The following ACOXL variants were observed in gnomAD, a reference collection of about 807,000 sequenced individuals.
The protein encoded by ACOXL is acyl-coenzyme A oxidase-like protein.
A neutral mutation model predicts 71.9 loss-of-function variants in ACOXL; 70 were observed. The observed-to-expected ratio is 0.97, with a 90% CI of 0.80 to 1.19. The LOEUF (loss-of-function observed/expected upper bound fraction) is 1.19. ACOXL is among the 50% of genes most tolerant of loss of function. The pLI, the probability that ACOXL is intolerant of heterozygous loss-of-function variation, is 0.00. For missense variants in ACOXL, 703 were observed against 736.3 expected (o/e 0.95, Z 0.52); for synonymous variants, 253 against 281.6 (o/e 0.90, Z 1.02).
Position 111,118,427 on chromosome 2 carries a change from A to G in ACOXL, c.*611A>G, listed in dbSNP as rs556812338. ...AAACAAGAACTCGGCTTGTCCTCCC[A>G]GGCCGGCGGTTTCCGTACGGCAAGA... On this transcript the variant is annotated 3_prime_UTR_variant, in exon 18 of 18. Transcript: ENST00000439055. 1.5e-4 allele frequency among the ~76,000 whole-genome samples: 23 copies of G among 152,346 alleles called. No individual in the cohort carries two copies. Among genetic ancestry groups the G allele is most frequent in the Admixed American group, 1.4e-3 (22 of 15,310 alleles).
chr2:110,806,595 G>C (rs2105372491), intron 9 of ACOXL, among the ~76,000 whole-genome samples: 1 of 152,358 alleles, frequency 6.6e-6, no homozygotes, highest in East Asian at 1.9e-4. Context: ...TGCATGAAAG[G>C]GAAGATTGGT....
chr2:110,761,180 ATTAG>A (rs1383929204), intron 1 of ACOXL, among the ~76,000 whole-genome samples: 2 of 152,212 alleles, frequency 1.3e-5, no homozygotes, highest in East Asian at 3.8e-4. Flanking sequence ...TTTTGGATTT[ATTAG>A]TTACTACTTT....
rs1238279284 is a variant in ACOXL at position 110,969,821 on chromosome 2, A to G, written c.1060-17287A>G. On this transcript the variant is annotated intron_variant, in intron 12 of 17. Coordinates refer to ENST00000439055, the MANE Select transcript of ACOXL (RefSeq NM_001142807.4). ...GTGAGACTTTGTCTCAAAAAAAAAG[A>G]AAAAAAAAAGAATGCTAGAAAATAG... Among the ~76,000 whole-genome samples, 15 of 146,870 alleles carry G rather than the reference A, an allele frequency of 1.0e-4. No individual in the cohort carries two copies. The East Asian group carries it at 2.2e-3, about 21-fold the overall frequency.
At chr2:110,951,453 C>T (rs941378076) in intron 12 of ACOXL, among the ~76,000 whole-genome samples, 1 of 152,168 alleles carries the variant, frequency 6.6e-6, no homozygotes, top group Non-Finnish European at 1.5e-5. Flanking sequence ...CTATATTATA[C>T]AAGTGGCAAG....
chr2:110,836,954 C>A (rs181053573), intron 9 of ACOXL, among the ~76,000 whole-genome samples: 9 of 152,206 alleles, frequency 5.9e-5, no homozygotes, highest in African/African-American at 2.2e-4. Context: ...TGGCTTGAAT[C>A]GTATTTGAAA....
rs191503574 is a variant in ACOXL at position 110,994,331 on chromosome 2, C to T, written c.1170-1562C>T. On this transcript the variant is annotated intron_variant, in intron 13 of 17. Coordinates refer to ENST00000439055, the MANE Select transcript of ACOXL (RefSeq NM_001142807.4). ...ATTGGCATGTAAATACTTTCCTCTT[C>T]CCTGTCTAAATGGAGGGTGATTATT... 8.9e-4 allele frequency among the ~76,000 whole-genome samples: 136 copies of T among 152,290 alleles called. 1 individual carries two copies. The highest frequency in any genetic ancestry group is 3.1e-3 in the African/African-American group (128 of 41,566).
intron 9 of ACOXL, among the ~76,000 whole-genome samples, chr2:110,822,296 C>CTG (rs1688707084): frequency 6.6e-6 from 1 of 152,170 alleles, no homozygotes; most frequent in Non-Finnish European, 1.5e-5. Context: ...CGTCTCAACT[C>CTG]TGATCCCTTT....
chr2:111,065,495 A>C (rs1196179919), intron 16 of ACOXL, among the ~76,000 whole-genome samples: 3 of 152,214 alleles, frequency 2.0e-5, no homozygotes, highest in African/African-American at 7.2e-5. Flanking sequence ...AGCGTGATTC[A>C]TAAAAGGAAA....
At chr2:110,897,968 C>T (rs2059081173) in intron 10 of ACOXL, among the ~76,000 whole-genome samples, 1 of 143,698 alleles carries the variant, frequency 7.0e-6, no homozygotes, top group South Asian at 2.4e-4. Context: ...AGGAACAACT[C>T]TGTAAACATA....
chr2:110,779,257 A>G (rs1191386661), intron 2 of ACOXL, among the ~76,000 whole-genome samples: 2 of 152,242 alleles, frequency 1.3e-5, no homozygotes, highest in African/African-American at 2.4e-5. Flanking sequence ...GAATGCTCCC[A>G]GGATCTGTGC....
intron 10 of ACOXL, among the ~76,000 whole-genome samples, chr2:110,858,081 T>C (rs1693482565): frequency 6.6e-6 from 1 of 152,202 alleles, no homozygotes; most frequent in Non-Finnish European, 1.5e-5. Context: ...TTAGGTGCTC[T>C]GGACATATAT....
intron 11 of ACOXL, among the ~76,000 whole-genome samples, chr2:110,917,757 A>G (rs183287142): frequency 2.8e-4 from 42 of 152,352 alleles, no homozygotes; most frequent in Non-Finnish European, 4.4e-4. Context: ...CTATACACCA[A>G]TAATAGACAA....
intron 1 of ACOXL, among the ~76,000 whole-genome samples, chr2:110,753,880 G>A (rs1315045439): frequency 1.3e-5 from 2 of 152,000 alleles, no homozygotes; most frequent in African/African-American, 2.4e-5. Context: ...TCAAAATTTT[G>A]TGTTGTCATT....
intron 11 of ACOXL, among the ~76,000 whole-genome samples, chr2:110,930,036 C>T (rs955249151): frequency 2.6e-5 from 4 of 152,218 alleles, no homozygotes; most frequent in Non-Finnish European, 4.4e-5. Flanking sequence ...GAGTCCCCAT[C>T]GGGGTACTGC....
intron 1 of ACOXL, among the ~76,000 whole-genome samples, chr2:110,749,585 G>A (rs1678663137): frequency 6.6e-6 from 1 of 152,154 alleles, no homozygotes; most frequent in African/African-American, 2.4e-5. Context: ...AACATTAGCT[G>A]GGCACGGTGG....
At position 110,883,113 on chromosome 2, in the gene ACOXL, T is replaced by TTTG. The variant is rs796309891; in HGVS notation, c.789-25674_789-25673insGTT. On this transcript the variant is annotated intron_variant, in intron 10 of 17. Transcript: ENST00000439055. ...CATGCCCTTTTTGTCACTGGTTTTT[T>TTTG]TTTTTTTTTTTTTTTTGAGACGATC... Among the ~76,000 whole-genome samples, 123 of 146,444 alleles carry TTTG rather than the reference T, an allele frequency of 8.4e-4. 6 individuals carry two copies. The East Asian group carries it at 0.021, about 24-fold the overall frequency.
At chr2:111,101,013 A>T (rs1013479103) in intron 17 of ACOXL, 1 of 152,664 alleles carries the variant, frequency 6.6e-6, no homozygotes, top group African/African-American at 2.4e-5. Flanking sequence ...TTGATTGATG[A>T]GTCATTCAAG....
intron 1 of ACOXL, among the ~76,000 whole-genome samples, chr2:110,744,686 C>T (rs542216074): frequency 6.6e-6 from 1 of 152,288 alleles, no homozygotes; most frequent in East Asian, 1.9e-4. Context: ...CACCGTCTGG[C>T]CACAGGAGTT....
intron 7 of ACOXL, among the ~76,000 whole-genome samples, chr2:110,801,442 T>G (rs1390267304): frequency 2.0e-5 from 3 of 152,206 alleles, no homozygotes; most frequent in Admixed American, 6.5e-5. Context: ...CCACTCTCGC[T>G]AAGGAGGAAG....
Sources: gnomAD v4.1 joint callset for allele counts (sites outside exome capture counted in the v4.1 genomes callset) on GRCh38, gnomAD v4.1.1 for gene constraint, MANE v1.5 for transcripts, NCBI Gene and HGNC (gene_info 2026-07-23, HGNC 2026-07-21) for gene names.